The following GARRE1 variants were observed in gnomAD, a reference collection of about 807,000 sequenced individuals.
GARRE1 encodes the protein granule associated Rac and RHOG effector 1, also known as granule associated Rac and RHOG effector protein 1.
In GARRE1, 49 loss-of-function variants were observed where a neutral mutation model predicts 103.2. The ratio of observed to expected loss-of-function variants is 0.47; its 90% CI spans 0.38 to 0.60. The LOEUF is 0.60. GARRE1 is among the 20% of genes least tolerant of loss of function. GARRE1 has a pLI of 0.00. For synonymous variants in GARRE1, 505 were observed against 532.8 expected (o/e 0.95, Z 0.72); for missense variants, 1,199 against 1,370.5 (o/e 0.87, Z 1.98).
At chr19:34,340,119 T>C (rs1462082763) in intron 9 of GARRE1, 127 bp downstream of exon 9, 1 of 953,560 alleles carries the variant, frequency 1.0e-6, no homozygotes, top group Non-Finnish European at 1.6e-6. Context: ...TTTTAGTAAC[T>C]TTTATTTTCA....
rs1221413924 is a variant in GARRE1, at chr19:34,352,679, A to C, written c.2937A>C (p.Ala979=). ...AAACCAAAACGTGGCCACCCAAAGC[A>C]CCCTGGCAGCACCCTTCCCCGCTTC... ...DNKTKTWPPK[A]PWQHPSPLPS... is the part of the protein sequence containing the mutation. The change falls in exon 14 of 14, where the codon GCA becomes GCC. Residue 979 remains alanine (A), a synonymous_variant. Transcript: ENST00000299505. The C allele has an allele frequency of 6.2e-7, 1 of 1,611,986 alleles. No individual in the cohort carries two copies. The highest frequency in any genetic ancestry group is 8.5e-7 in the Non-Finnish European group (1 of 1,178,446).
intron 3 of GARRE1, among the ~76,000 whole-genome samples, chr19:34,326,478 C>T (rs1052432283): frequency 6.6e-6 from 1 of 152,202 alleles, no homozygotes; most frequent in African/African-American, 2.4e-5. Flanking sequence ...TGCATTTAAT[C>T]GTAAAATGAC....
chr19:34,300,389 T>A lies in GARRE1; in HGVS notation c.-85T>A. On this transcript the variant is annotated 5_prime_UTR_variant, in exon 2 of 14. Transcript: ENST00000299505. ...AAAACTTCGATTTGCAGAACTCCAC[T>A]ATTTTTATACCTAGCTACAGTTTTG... 1 of 1,464,566 alleles carries A rather than the reference T, an allele frequency of 6.8e-7. No individual in the cohort carries two copies. Among genetic ancestry groups the A allele is most frequent in the Non-Finnish European group, 9.1e-7 (1 of 1,098,112 alleles). 90.7% of individuals were successfully genotyped at this position (1,464,566 alleles called of 1,614,324 possible). A position where few individuals can be genotyped will look rare whatever the true frequency, so the allele number is the denominator to read the frequency against.
chr19:34,263,252 C>G (rs2073730123), intron 1 of GARRE1, among the ~76,000 whole-genome samples: 1 of 128,646 alleles, frequency 7.8e-6, no homozygotes, highest in South Asian at 2.5e-4. Flanking sequence ...TAATGTCTCC[C>G]TCTCTCGATA....
At chr19:34,298,101 A>G (rs1270332722) in intron 1 of GARRE1, among the ~76,000 whole-genome samples, 3 of 152,208 alleles carry the variant, frequency 2.0e-5, no homozygotes, top group Admixed American at 6.5e-5. Context: ...AGACGAAACT[A>G]TATACCACCA....
intron 1 of GARRE1, among the ~76,000 whole-genome samples, chr19:34,272,787 G>A (rs1402870682): frequency 6.6e-6 from 1 of 152,206 alleles, no homozygotes; most frequent in East Asian, 1.9e-4. Context: ...GCAGCAGATT[G>A]CCATGTCCCA....
chr19:34,298,347 G>A (rs1300956814), intron 1 of GARRE1, among the ~76,000 whole-genome samples: 2 of 151,870 alleles, frequency 1.3e-5, no homozygotes, highest in Non-Finnish European at 2.9e-5. Flanking sequence ...CTAGGAGTTC[G>A]AGGCTGTAGT....
At chr19:34,305,805 T>G (rs2145246676) in intron 2 of GARRE1, among the ~76,000 whole-genome samples, 1 of 152,380 alleles carries the variant, frequency 6.6e-6, no homozygotes, top group South Asian at 2.1e-4. Flanking sequence ...TGACTTGGCT[T>G]TCCACATTGA....
In GARRE1 at chr19:34,341,749, G is replaced by T; in HGVS notation, c.1815G>T (p.Gln605His). Residue 605 changes from glutamine to histidine, a missense_variant, in exon 10 of 14, where the codon CAG becomes CAT. Gln to His is a conservative substitution (Grantham distance 24). Transcript: ENST00000299505. Reference protein sequence around the residue: ...GNFPRTTDPSQSAQNSSNTVA... With the variant: ...GNFPRTTDPSHSAQNSSNTVA... ...TCCCCAGGACTACAGACCCTTCACA[G>T]TCAGCTCAGAATTCCAGTAATACAG... 6.2e-7 allele frequency: 1 copy of T among 1,614,210 alleles called. No homozygotes were observed. The highest frequency in any genetic ancestry group is 8.5e-7 in the Non-Finnish European group (1 of 1,180,034).
chr19:34,329,389 A>G (rs1444023475), intron 6 of GARRE1, among the ~76,000 whole-genome samples: 4 of 152,240 alleles, frequency 2.6e-5, no homozygotes, highest in Non-Finnish European at 5.9e-5. Flanking sequence ...GTAGATTGCT[A>G]AATAATTTTG....
At chr19:34,285,163 T>C (rs893847765) in intron 1 of GARRE1, 1 of 152,204 alleles carries the variant, frequency 6.6e-6, no homozygotes, top group African/African-American at 2.4e-5. Flanking sequence ...TGTTCAATCA[T>C]ATACAACATT....
At chr19:34,289,177 A>G (rs2073903595) in intron 1 of GARRE1, among the ~76,000 whole-genome samples, 1 of 151,190 alleles carries the variant, frequency 6.6e-6, no homozygotes, top group Admixed American at 6.6e-5. Flanking sequence ...GCTCACGCCT[A>G]TAATCCCAGC....
rs748438407 is a variant in GARRE1, at chr19:34,320,125, G to C, written c.705+9G>C. On this transcript the variant is annotated intron_variant, in intron 3 of 13. Transcript: ENST00000299505. ...GGCGGGGGGCTGCTGAGGTAACCCT[G>C]GCTTTGGGGAGATTGGTGCCTGTGT... The C allele has an allele frequency of 2.5e-6, 4 of 1,611,946 alleles. No individual in the cohort carries two copies. The South Asian group carries it at 4.4e-5, about 18-fold the overall frequency.
At chr19:34,273,329 G>A (rs891987873) in intron 1 of GARRE1, among the ~76,000 whole-genome samples, 1 of 152,170 alleles carries the variant, frequency 6.6e-6, no homozygotes, top group African/African-American at 2.4e-5. Flanking sequence ...TGCTTGGCAC[G>A]TCATAGACAC....
At chr19:34,317,269 C>G (rs1041579160) in intron 2 of GARRE1, among the ~76,000 whole-genome samples, 2 of 152,260 alleles carry the variant, frequency 1.3e-5, no homozygotes, top group Admixed American at 1.3e-4. Flanking sequence ...CAGGGACTTG[C>G]TCATTCTCTT....
chr19:34,333,429 A>G (rs1269497514), intron 7 of GARRE1, among the ~76,000 whole-genome samples: 2 of 152,230 alleles, frequency 1.3e-5, no homozygotes, highest in Non-Finnish European at 2.9e-5. Flanking sequence ...TTCCTAATTA[A>G]CATATTTATA....
chr19:34,300,385 C>A lies in GARRE1; in HGVS notation c.-89C>A. On this transcript the variant is annotated 5_prime_UTR_variant, in exon 2 of 14. Transcript: ENST00000299505. ...TTTTAAAACTTCGATTTGCAGAACT[C>A]CACTATTTTTATACCTAGCTACAGT... 6.9e-7 allele frequency: 1 copy of A among 1,446,224 alleles called. No individual in the cohort carries two copies. The allele number at this position is 1,446,224 out of a possible 1,614,324, so 89.6% of individuals were successfully genotyped here. A position where few individuals can be genotyped will look rare whatever the true frequency, so the allele number is the denominator to read the frequency against.
At chr19:34,341,304 C>T (rs1168218488) in intron 9 of GARRE1, 118 bp from the exon 10 acceptor site, 24 of 809,366 alleles carry the variant, frequency 3.0e-5, no homozygotes, top group East Asian at 5.4e-5. Context: ...TAAGTGAACC[C>T]GATACCAACC....
chr19:34,348,614 TC>T (rs2074223353), intron 11 of GARRE1: 1 of 154,552 alleles, frequency 6.5e-6, no homozygotes, highest in Admixed American at 6.5e-5. Flanking sequence ...AAATTTTTTT[TC>T]TTTCAACTTT....
Sources: gnomAD v4.1 joint callset for allele counts (sites outside exome capture counted in the v4.1 genomes callset) on GRCh38, gnomAD v4.1.1 for gene constraint, MANE v1.5 for transcripts, NCBI Gene and HGNC (gene_info 2026-07-23, HGNC 2026-07-21) for gene names.